Variants in NRG3 observed in about 807,000 individuals in gnomAD.
The protein encoded by NRG3 is pro-neuregulin-3, membrane-bound isoform.
Under a neutral mutation model 66.9 loss-of-function variants are expected in NRG3, and 31 were observed. The ratio of observed to expected loss-of-function variants is 0.46; its 90% CI spans 0.35 to 0.63. The LOEUF (loss-of-function observed/expected upper bound fraction) is 0.63, where lower values mean the gene tolerates loss of function less well. Ranked by LOEUF, NRG3 falls within the 20% of genes least tolerant of loss-of-function variation. NRG3 has a pLI of 0.00. For synonymous variants in NRG3, 393 were observed against 359.4 expected (o/e 1.09, Z -1.06); for missense variants, 910 against 878.9 (o/e 1.04, Z -0.45).
intron 2 of NRG3, among the ~76,000 whole-genome samples, chr10:82,735,686 A>G (rs2058120434): frequency 6.6e-6 from 1 of 152,182 alleles, no homozygotes; most frequent in Non-Finnish European, 1.5e-5. Flanking sequence ...ATTATCACTC[A>G]TAAGTGGGAG....
intron 2 of NRG3, among the ~76,000 whole-genome samples, chr10:82,580,136 A>T (rs566469183): frequency 6.6e-6 from 1 of 152,086 alleles, no homozygotes; most frequent in African/African-American, 2.4e-5. Context: ...TTCATTATTT[A>T]TTGGTATTAT....
intron 2 of NRG3, among the ~76,000 whole-genome samples, chr10:82,437,124 A>G (rs1386565214): frequency 2.0e-5 from 3 of 152,022 alleles, no homozygotes; most frequent in Non-Finnish European, 2.9e-5. Context: ...AATATCCCAA[A>G]GTGTGTTTTC....
chr10:82,912,495 G>A (rs1845415710), intron 4 of NRG3, among the ~76,000 whole-genome samples: 1 of 152,040 alleles, frequency 6.6e-6, no homozygotes, highest in African/African-American at 2.4e-5. Flanking sequence ...TTTTGGATAA[G>A]TGTTAGCATG....
intron 1 of NRG3, among the ~76,000 whole-genome samples, chr10:82,201,661 A>G (rs899886617): frequency 2.0e-5 from 3 of 152,158 alleles, no homozygotes; most frequent in Admixed American, 6.5e-5. Flanking sequence ...ATCTTTGCAC[A>G]AAAGCAGTCA....
intron 1 of NRG3, among the ~76,000 whole-genome samples, chr10:82,052,790 T>C (rs2063662864): frequency 6.6e-6 from 1 of 152,104 alleles, no homozygotes; most frequent in East Asian, 1.9e-4. Context: ...CAATTACAAG[T>C]GATTAATAGC....
intron 2 of NRG3, among the ~76,000 whole-genome samples, chr10:82,387,399 G>T (rs953486319): frequency 1.3e-4 from 20 of 152,116 alleles, no homozygotes; most frequent in Non-Finnish European, 2.8e-4. Context: ...TAATGGCACT[G>T]CCAGGCTGGT....
intron 1 of NRG3, among the ~76,000 whole-genome samples, chr10:82,264,037 G>T (rs909579698): frequency 4.6e-5 from 7 of 152,088 alleles, no homozygotes; most frequent in African/African-American, 1.7e-4. Flanking sequence ...CATCTCCCCA[G>T]ATGTGATGAC....
chr10:82,935,368 T>C (rs1847961971), intron 4 of NRG3, among the ~76,000 whole-genome samples: 1 of 152,202 alleles, frequency 6.6e-6, no homozygotes, highest in Non-Finnish European at 1.5e-5. Flanking sequence ...AGTATTCTAT[T>C]TAAAATGTAC....
chr10:82,486,171 G>A (rs1369090367), intron 2 of NRG3, among the ~76,000 whole-genome samples: 1 of 152,168 alleles, frequency 6.6e-6, no homozygotes, highest in Admixed American at 6.5e-5. Flanking sequence ...GTTGGAGAGA[G>A]GATGTGGAGA....
chr10:82,228,949 C>T (rs889134059), intron 1 of NRG3: 1 of 152,278 alleles, frequency 6.6e-6, no homozygotes, highest in African/African-American at 2.4e-5. Flanking sequence ...AGGAGTCAGA[C>T]AGTGAAGCAA....
chr10:82,305,735 A>G (rs2080689390), intron 1 of NRG3, among the ~76,000 whole-genome samples: 1 of 152,176 alleles, frequency 6.6e-6, no homozygotes, highest in South Asian at 2.1e-4. Flanking sequence ...TATTCATTAT[A>G]TACAGTAATT....
At chr10:82,647,855 G>GT (rs1266313595) in intron 2 of NRG3, among the ~76,000 whole-genome samples, 2,481 of 149,814 alleles carry the variant, frequency 0.017, 70 homozygotes, top group African/African-American at 0.057. Flanking sequence ...GGGGTTGTTT[G>GT]TTTTTTTCTT....
At chr10:82,482,634 C>T (rs1842368254) in intron 2 of NRG3, among the ~76,000 whole-genome samples, 1 of 152,116 alleles carries the variant, frequency 6.6e-6, no homozygotes, top group Admixed American at 6.5e-5. Flanking sequence ...CTAGGTTTCA[C>T]CCAGACCCAC....
At chr10:82,165,335 A>G (rs946672197) in intron 1 of NRG3, among the ~76,000 whole-genome samples, 1 of 152,080 alleles carries the variant, frequency 6.6e-6, no homozygotes, top group African/African-American at 2.4e-5. Context: ...CTCAATAATT[A>G]TTTATTTGCA....
chr10:82,756,808 C>G (rs1445919347), intron 3 of NRG3, among the ~76,000 whole-genome samples: 1 of 151,398 alleles, frequency 6.6e-6, no homozygotes, highest in Non-Finnish European at 1.5e-5. Context: ...TTGCTGTGAA[C>G]CAAGCACTAC....
intron 2 of NRG3, among the ~76,000 whole-genome samples, chr10:82,491,317 A>ATATATATATAT (rs1564985027): frequency 6.1e-5 from 2 of 32,976 alleles, no homozygotes; most frequent in African/African-American, 1.2e-4. Context: ...TATATATATA[A>ATATATATATAT]AATAAAGATG....
chr10:82,356,713 G>A (rs1366450890), intron 1 of NRG3, among the ~76,000 whole-genome samples: 2 of 152,158 alleles, frequency 1.3e-5, no homozygotes, highest in African/African-American at 2.4e-5. Flanking sequence ...ATATGTGTGA[G>A]GGTCTGTGTG....
intron 1 of NRG3, among the ~76,000 whole-genome samples, chr10:82,117,714 A>G (rs2067815996): frequency 6.6e-6 from 1 of 152,092 alleles, no homozygotes; most frequent in Non-Finnish European, 1.5e-5. Context: ...TTGAAATCAC[A>G]ACCTACAGCT....
intron 3 of NRG3, among the ~76,000 whole-genome samples, chr10:82,827,913 T>A: frequency 6.6e-6 from 1 of 152,206 alleles, no homozygotes; most frequent in Non-Finnish European, 1.5e-5. Flanking sequence ...CAACCACTGT[T>A]AATATTTCCA....
Sources: gnomAD v4.1 joint callset for allele counts (sites outside exome capture counted in the v4.1 genomes callset) on GRCh38, gnomAD v4.1.1 for gene constraint, MANE v1.5 for transcripts, NCBI Gene and HGNC (gene_info 2026-07-23, HGNC 2026-07-21) for gene names.